The following DAZAP1 variants were observed in gnomAD, a reference collection of about 807,000 sequenced individuals.
DAZAP1 encodes DAZ-associated protein 1.
Under a neutral mutation model 60.1 loss-of-function variants are expected in DAZAP1, and 6 were observed. That is an observed-to-expected ratio of 0.10 (90% CI 0.05 to 0.20). The LOEUF (loss-of-function observed/expected upper bound fraction) is 0.20. Among genes scored for constraint, DAZAP1 ranks in the 10% least tolerant of loss-of-function variants. DAZAP1 has a pLI of 1.00. For missense variants in DAZAP1, 366 were observed against 560.4 expected (o/e 0.65, Z 3.50); for synonymous variants, 235 against 215.9 (o/e 1.09, Z -0.78).
intron 1 of DAZAP1, among the ~76,000 whole-genome samples, chr19:1,414,023 G>GTGTGTGTGTGTT (rs1371899040): frequency 3.3e-5 from 5 of 151,020 alleles, no homozygotes; most frequent in East Asian, 3.9e-4. Flanking sequence ...GTGTGTGTGT[G>GTGTGTGTGTGTT]TGTGTGTGTT....
rs372564307 is a variant in DAZAP1, at chr19:1,426,243, C to CGGTGTTGG, written c.546+286_546+293dup. Reference sequence around the variant, plus strand: ...GGGGGCTGGGGCTGGGAGGCTGTGGCGGTGTTGGGGCTGGCTCCAGTGAAA... The same window carrying CGGTGTTGG: ...GGGGGCTGGGGCTGGGAGGCTGTGGCGGTGTTGGGGTGTTGGGGCTGGCTCCAGTGAAA... On this transcript the variant is annotated intron_variant, in intron 7 of 11. Coordinates refer to ENST00000233078, the MANE Select transcript of DAZAP1 (RefSeq NM_018959.4). The surrounding 1 kb of genome is among the most constrained non-coding windows in gnomAD (Gnocchi z 5.4). 2.2e-5 allele frequency: 9 copies of CGGTGTTGG among 417,228 alleles called. No individual in the cohort carries two copies. The highest frequency in any genetic ancestry group is 1.8e-4 in the African/African-American group (9 of 49,176). The allele number at this position is 417,228 out of a possible 1,614,324, so 25.8% of individuals were successfully genotyped here.
intron 1 of DAZAP1, among the ~76,000 whole-genome samples, chr19:1,412,585 C>T (rs1002870670): frequency 1.5e-4 from 23 of 152,316 alleles, no homozygotes; most frequent in African/African-American, 5.3e-4. Flanking sequence ...CCGGGCTGGC[C>T]GCCGGTTTTT....
intron 1 of DAZAP1, among the ~76,000 whole-genome samples, chr19:1,408,638 C>T (rs987679672): frequency 6.6e-6 from 1 of 152,212 alleles, no homozygotes; most frequent in Admixed American, 6.5e-5. Context: ...CGGCGCCTCC[C>T]CGCCGGGGGT....
chr19:1,412,689 C>A (rs979101042), intron 1 of DAZAP1, among the ~76,000 whole-genome samples: 3 of 152,234 alleles, frequency 2.0e-5, no homozygotes. Context: ...GCATAAATAC[C>A]GCACAGGCAC....
chr19:1,432,746 C>T lies in DAZAP1; in HGVS notation c.1048+56C>T. ...GCTGGCCCCAGGACCCTGGGCACGG[C>T]CTGCCTTCTTCTGCTTCCTCCCCTG... On this transcript the variant is annotated intron_variant, in intron 11 of 11. Transcript: ENST00000233078. This position sits in a 1 kb window ranked among gnomAD's most constrained non-coding sequence, Gnocchi z 4.9. 1 of 1,516,102 alleles carries T rather than the reference C, an allele frequency of 6.6e-7. No individual in the cohort carries two copies. The highest frequency in any genetic ancestry group is 1.8e-4 in the Middle Eastern group (1 of 5,634). The allele number at this position is 1,516,102 out of a possible 1,614,324, so 93.9% of individuals were successfully genotyped here. A position where few individuals can be genotyped will look rare whatever the true frequency, so the allele number is the denominator to read the frequency against.
chr19:1,415,440 G>C (rs1002028555), intron 1 of DAZAP1, among the ~76,000 whole-genome samples: 1 of 145,872 alleles, frequency 6.9e-6, no homozygotes, highest in Admixed American at 7.1e-5. Context: ...AATTCCAAAG[G>C]ATTGTGTAAA....
rs747049042 is a variant in DAZAP1 at position 1,430,206 on chromosome 19, G to A, written c.731-16G>A. The A allele has an allele frequency of 1.6e-5, 26 of 1,588,548 alleles. No individual in the cohort carries two copies. The highest frequency in any genetic ancestry group is 3.3e-4 in the Middle Eastern group (2 of 5,972). ...CCAGCGCTCTCTGTCCATCACCCCC[G>A]TACTGTGTGTTTCAGGTGGCTATGG... is the stretch of plus-strand genomic sequence containing the variant. On this transcript the variant is annotated splice_polypyrimidine_tract_variant and intron_variant, in intron 9 of 11. Coordinates refer to ENST00000233078, the MANE Select transcript of DAZAP1 (RefSeq NM_018959.4).
chr19:1,420,742 A>T (rs1344424867), intron 4 of DAZAP1, among the ~76,000 whole-genome samples: 1 of 152,244 alleles, frequency 6.6e-6, no homozygotes, highest in East Asian at 1.9e-4. Flanking sequence ...CCTGCTGGAG[A>T]TGTACAGCCT....
At position 1,418,092 on chromosome 19, in the gene DAZAP1, G is replaced by A. The variant is rs935881820; in HGVS notation, c.71-112G>A. 6 of 1,128,846 alleles carry A rather than the reference G, an allele frequency of 5.3e-6. No homozygotes were observed. The highest frequency in any genetic ancestry group is 1.4e-5 in the South Asian group (1 of 71,142). The allele number at this position is 1,128,846 out of a possible 1,614,324, so 69.9% of individuals were successfully genotyped here. On this transcript the variant is annotated intron_variant, in intron 2 of 11. Coordinates refer to ENST00000233078, the MANE Select transcript of DAZAP1 (RefSeq NM_018959.4). This position sits in a 1 kb window ranked among gnomAD's most constrained non-coding sequence, Gnocchi z 5.7. The stretch of plus-strand genomic sequence containing the variant: ...CACCCCCCACCCCCAGTGCAGCATC[G>A]CTCGGTGCGTGGCTGGTGGACTGGA...
Position 1,425,998 on chromosome 19 carries a change from C to G in DAZAP1, c.546+38C>G. 1 of 1,441,668 alleles carries G rather than the reference C, an allele frequency of 6.9e-7. No individual in the cohort carries two copies. The highest frequency in any genetic ancestry group is 9.8e-7 in the Non-Finnish European group (1 of 1,022,800). 89.3% of individuals were successfully genotyped at this position (1,441,668 alleles called of 1,614,324 possible). A position where few individuals can be genotyped will look rare whatever the true frequency, so the allele number is the denominator to read the frequency against. On this transcript the variant is annotated intron_variant, in intron 7 of 11. Coordinates refer to ENST00000233078, the MANE Select transcript of DAZAP1 (RefSeq NM_018959.4). The surrounding 1 kb of genome is among the most constrained non-coding windows in gnomAD (Gnocchi z 5.4). Reference sequence around the variant, plus strand: ...AGTTTTATTTTACCTTAAGACCAAACCAAGTCTTAGGCAACTTAGGGGTTT... The same window carrying G: ...AGTTTTATTTTACCTTAAGACCAAAGCAAGTCTTAGGCAACTTAGGGGTTT...
chr19:1,425,812 C>A lies in DAZAP1; in HGVS notation c.464-66C>A. On this transcript the variant is annotated intron_variant, in intron 6 of 11. Transcript: ENST00000233078. The surrounding 1 kb of genome is among the most constrained non-coding windows in gnomAD (Gnocchi z 5.4). ...TCGATCCCTCGGCCCGTCCCTAATA[C>A]TGTTCATCATCCTGTTTTGTGTCAC... is the stretch of plus-strand genomic sequence containing the variant. The A allele has an allele frequency of 8.9e-7, 1 of 1,124,610 alleles. No individual in the cohort carries two copies. The highest frequency in any genetic ancestry group is 1.4e-6 in the Non-Finnish European group (1 of 733,886). 69.7% of individuals were successfully genotyped at this position (1,124,610 alleles called of 1,614,324 possible). A position where few individuals can be genotyped will look rare whatever the true frequency, so the allele number is the denominator to read the frequency against.
chr19:1,418,465 G>C lies in DAZAP1; in HGVS notation c.237+95G>C. The C allele has an allele frequency of 1.3e-6, 2 of 1,513,718 alleles. No homozygotes were observed. The highest frequency in any genetic ancestry group is 1.8e-6 in the Non-Finnish European group (2 of 1,099,518). The allele number at this position is 1,513,718 out of a possible 1,614,324, so 93.8% of individuals were successfully genotyped here. A position where few individuals can be genotyped will look rare whatever the true frequency, so the allele number is the denominator to read the frequency against. ...TGGACTCTGACCGATGTTTGCGTTA[G>C]AGTATGTTTGAACGTGGGGTCGATT... On this transcript the variant is annotated intron_variant, in intron 3 of 11. Transcript: ENST00000233078. The surrounding 1 kb of genome is among the most constrained non-coding windows in gnomAD (Gnocchi z 5.7).
At chr19:1,421,872 A>G (rs950046266) in intron 5 of DAZAP1, among the ~76,000 whole-genome samples, 1 of 152,082 alleles carries the variant, frequency 6.6e-6, no homozygotes, top group Non-Finnish European at 1.5e-5. Context: ...CTGGGCCAGG[A>G]ATGAGAGGCC....
intron 1 of DAZAP1, among the ~76,000 whole-genome samples, chr19:1,408,308 C>T (rs2082724219): frequency 6.6e-6 from 1 of 151,468 alleles, no homozygotes; most frequent in African/African-American, 2.4e-5. Context: ...TGGGGGACCC[C>T]GAATGAGAAC....
rs2083047312 is a variant in DAZAP1, at chr19:1,418,341, A to C, written c.208A>C (p.Ser70Arg). 6.2e-7 allele frequency: 1 copy of C among 1,614,154 alleles called. No homozygotes were observed. Among genetic ancestry groups the C allele is most frequent in the Non-Finnish European group, 8.5e-7 (1 of 1,180,006 alleles). ...AAACTGTGTGGGGACGGTGCTGGCC[A>C]GCAGACCGCACACGCTAGATGGCCG... Reference protein sequence around the residue: ...DPNCVGTVLASRPHTLDGRNI... With the variant: ...DPNCVGTVLARRPHTLDGRNI... Residue 70 changes from serine (S) to arginine (R), a missense_variant, in exon 3 of 12, where the codon AGC becomes CGC. By Grantham distance (110) the Ser-to-Arg change is moderately radical. Transcript: ENST00000233078. The surrounding 1 kb of genome is among the most constrained non-coding windows in gnomAD (Gnocchi z 5.7).
chr19:1,410,767 C>T (rs1352606890), intron 1 of DAZAP1, among the ~76,000 whole-genome samples: 1 of 152,188 alleles, frequency 6.6e-6, no homozygotes, highest in Non-Finnish European at 1.5e-5. Context: ...GCTTCCAAGG[C>T]AGCACACGGT....
rs149368439 is a variant in DAZAP1, at chr19:1,418,214, C to T, written c.81C>T (p.Arg27=). The T allele has an allele frequency of 7.9e-4, 1,281 of 1,614,114 alleles. 1 individual carries two copies. The highest frequency in any genetic ancestry group is 1.0e-3 in the Non-Finnish European group (1,211 of 1,179,944). The change falls in exon 3 of 12, where the codon CGC becomes CGT. Residue 27 remains arginine, a synonymous_variant. Transcript: ENST00000233078. This position sits in a 1 kb window ranked among gnomAD's most constrained non-coding sequence, Gnocchi z 5.7. ...CCGATTTCTGAGCAGAGACTCTGCG[C>T]AGCTACTTTTCCCAATATGGAGAAG... ...LDWSTTQETL[R]SYFSQYGEVV... is the part of the protein sequence containing the mutation.
chr19:1,429,203 C>T (rs1002726743), intron 8 of DAZAP1, among the ~76,000 whole-genome samples: 5 of 152,276 alleles, frequency 3.3e-5, no homozygotes, highest in South Asian at 4.1e-4. Flanking sequence ...GGGGTGGCCA[C>T]GGCTTAGGTG....
rs1198016603 is a variant in DAZAP1, at chr19:1,423,407, GAT to G, written c.463+1014_463+1015del. Among the ~76,000 whole-genome samples the G allele has an allele frequency of 6.6e-6, 1 of 152,222 alleles. No individual in the cohort carries two copies. ...TCTCTGTGAATTGTGTGTGATTAAC[GAT>G]ATCTCTTTAGATTTCTCTTCTCCAG... On this transcript the variant is annotated intron_variant, in intron 6 of 11. Transcript: ENST00000233078. This position sits in a 1 kb window ranked among gnomAD's most constrained non-coding sequence, Gnocchi z 6.8.
Sources: allele counts gnomAD v4.1 joint callset (sites outside exome capture counted in the v4.1 genomes callset), GRCh38; gene constraint gnomAD v4.1.1; non-coding constraint Gnocchi (gnomAD v3.1); transcripts MANE v1.5; gene names NCBI Gene and HGNC (gene_info 2026-07-23, HGNC 2026-07-21).